USP34: variants seen among roughly 807,000 people sequenced by gnomAD.
The protein encoded by USP34 is ubiquitin specific peptidase 34.
In USP34, 70 loss-of-function variants were observed where a neutral mutation model predicts 460.3. The observed-to-expected ratio is 0.15, with a 90% CI of 0.13 to 0.19. USP34 has a LOEUF of 0.19. Ranked by LOEUF, USP34 falls within the 10% of genes least tolerant of loss-of-function variation. USP34 has a pLI of 1.00. For synonymous variants in USP34, 1,647 were observed against 1,405.3 expected (o/e 1.17, Z -3.85); for missense variants, 3,985 against 4,236.2 (o/e 0.94, Z 1.65).
chr2:61,256,044 C>T (rs1022008790), intron 48 of USP34, among the ~76,000 whole-genome samples: 2 of 152,160 alleles, frequency 1.3e-5, no homozygotes, highest in African/African-American at 4.8e-5. Context: ...TAAGGGGTTC[C>T]ACTGTATTAC....
chr2:61,265,277 A>C, intron 43 of USP34, 120 bp downstream of exon 43: 2 of 1,134,584 alleles, frequency 1.8e-6, no homozygotes, highest in Non-Finnish European at 2.5e-6. Context: ...TACTGTAATC[A>C]AATTTACTTT....
chr2:61,220,257 A>T, intron 67 of USP34, 53 bp downstream of exon 67: 3 of 1,517,154 alleles, frequency 2.0e-6, no homozygotes, highest in Non-Finnish European at 8.9e-7. Context: ...AAAATGAAAC[A>T]TAACTTTGAA....
At chr2:61,388,440 G>A (rs1399864450) in intron 5 of USP34, among the ~76,000 whole-genome samples, 1 of 146,686 alleles carries the variant, frequency 6.8e-6, no homozygotes. Flanking sequence ...AGGGGATGTG[G>A]GGGTACAGGG....
chr2:61,380,134 A>C (rs775083834), intron 7 of USP34, 35 bp downstream of exon 7: 1 of 1,585,072 alleles, frequency 6.3e-7, no homozygotes, highest in African/African-American at 1.3e-5. Context: ...GAAAACAAAT[A>C]AACGATGACC....
At chr2:61,300,648 T>C (rs1259950208) in intron 29 of USP34, among the ~76,000 whole-genome samples, 2 of 151,252 alleles carry the variant, frequency 1.3e-5, no homozygotes, top group Non-Finnish European at 1.5e-5. Flanking sequence ...ATGCAAAAAT[T>C]AGCCAGGTGT....
At chr2:61,421,769 T>C (rs1694363903) in intron 1 of USP34, among the ~76,000 whole-genome samples, 1 of 144,750 alleles carries the variant, frequency 6.9e-6, no homozygotes, top group African/African-American at 2.5e-5. Context: ...TTAGTTTACA[T>C]TTAAAACACA....
chr2:61,231,005 C>G (rs1476343604), intron 58 of USP34, among the ~76,000 whole-genome samples: 1 of 152,146 alleles, frequency 6.6e-6, no homozygotes, highest in Admixed American at 6.5e-5. Flanking sequence ...AAATATTCAG[C>G]TGATGAACAG....
At chr2:61,256,997 A>G (rs1357819886) in intron 46 of USP34, 47 bp from the exon 47 acceptor site, 1 of 1,420,392 alleles carries the variant, frequency 7.0e-7, no homozygotes, top group Non-Finnish European at 9.3e-7. Flanking sequence ...AAATTATAAT[A>G]TAAATGAAAA....
At chr2:61,235,760 A>G in intron 57 of USP34, 85 bp downstream of exon 57, 1 of 1,376,190 alleles carries the variant, frequency 7.3e-7, no homozygotes, top group South Asian at 1.4e-5. Flanking sequence ...CAGATAAAAC[A>G]ACTCTGCTGT....
chr2:61,370,948 A>G (rs1257158844), intron 8 of USP34, among the ~76,000 whole-genome samples: 1 of 152,206 alleles, frequency 6.6e-6, no homozygotes, highest in Admixed American at 6.5e-5. Flanking sequence ...GCCCTTTATA[A>G]TGAGATAATA....
intron 5 of USP34, among the ~76,000 whole-genome samples, chr2:61,393,383 A>G (rs966167079): frequency 6.6e-6 from 1 of 151,198 alleles, no homozygotes. Context: ...GTGAGCCAAG[A>G]TCATGCCACT....
chr2:61,341,112 G>C (rs187123326), intron 16 of USP34, among the ~76,000 whole-genome samples: 1 of 152,110 alleles, frequency 6.6e-6, no homozygotes, highest in Non-Finnish European at 1.5e-5. Context: ...TCTATTTCTA[G>C]CTTCTTTTGC....
chr2:61,470,586 G>A (rs1695925984), intron 1 of USP34, 64 bp downstream of exon 1: 1 of 1,194,936 alleles, frequency 8.4e-7, no homozygotes, highest in Non-Finnish European at 1.2e-6. Flanking sequence ...GCCCGGGGAG[G>A]CCAGAGAGCT....
intron 3 of USP34, among the ~76,000 whole-genome samples, chr2:61,399,503 A>T (rs1480773680): frequency 6.6e-6 from 1 of 152,116 alleles, no homozygotes; most frequent in Non-Finnish European, 1.5e-5. Context: ...TTTTTTAAGT[A>T]GTATATAAAA....
chr2:61,335,228 T>C (rs752068955), intron 18 of USP34, among the ~76,000 whole-genome samples: 122 of 152,356 alleles, frequency 8.0e-4, no homozygotes, highest in African/African-American at 2.8e-3. Flanking sequence ...GATTAAATTG[T>C]AGAATTTCTC....
chr2:61,419,608 G>A (rs532971218), intron 2 of USP34, among the ~76,000 whole-genome samples: 1 of 152,202 alleles, frequency 6.6e-6, no homozygotes, highest in South Asian at 2.1e-4. Flanking sequence ...GAATGATTTT[G>A]TTTCTCTGGA....
intron 1 of USP34, among the ~76,000 whole-genome samples, chr2:61,447,065 G>C (rs1695140103): frequency 6.6e-6 from 1 of 151,886 alleles, no homozygotes; most frequent in Non-Finnish European, 1.5e-5. Context: ...GACCAGCGTA[G>C]CTAACATGGT....
At chr2:61,429,774 A>G (rs1335681130) in intron 1 of USP34, among the ~76,000 whole-genome samples, 1 of 152,208 alleles carries the variant, frequency 6.6e-6, no homozygotes. Flanking sequence ...CATAAAGTTT[A>G]TTTCTAGCTG....
chr2:61,245,553 A>C (rs552433383), intron 50 of USP34, among the ~76,000 whole-genome samples: 10 of 152,122 alleles, frequency 6.6e-5, no homozygotes, highest in Non-Finnish European at 1.0e-4. Flanking sequence ...AGTTTGCTTT[A>C]ATATAACATG....
Sources: allele counts gnomAD v4.1 joint callset (sites outside exome capture counted in the v4.1 genomes callset), GRCh38; gene constraint gnomAD v4.1.1; transcripts MANE v1.5; gene names NCBI Gene and HGNC (gene_info 2026-07-23, HGNC 2026-07-21).